SLIT2: variants seen among roughly 807,000 people sequenced by gnomAD.
The protein encoded by SLIT2 is slit guidance ligand 2, also known as slit homolog 2 protein.
A neutral mutation model predicts 185.7 loss-of-function variants in SLIT2; 41 were observed. The observed-to-expected ratio is 0.22, with a 90% confidence interval of 0.17 to 0.29. SLIT2 has a LOEUF of 0.29. Among genes scored for constraint, SLIT2 ranks in the 10% least tolerant of loss-of-function variants. The pLI is 1.00. For synonymous variants in SLIT2, 693 were observed against 680.2 expected (o/e 1.02, Z -0.29); for missense variants, 1,571 against 1,909.0 (o/e 0.82, Z 3.30).
chr4:20,328,647 AT>A (rs1719799416), intron 4 of SLIT2, among the ~76,000 whole-genome samples: 1 of 152,088 alleles, frequency 6.6e-6, no homozygotes. Flanking sequence ...CAAGAAAAAT[AT>A]TTTTAAAACG....
intron 8 of SLIT2, 132 bp from the exon 9 acceptor site, chr4:20,491,629 G>A: frequency 1.5e-6 from 1 of 687,324 alleles, no homozygotes; most frequent in Non-Finnish European, 2.4e-6. Flanking sequence ...TAGAAATATA[G>A]GACCATTTTA....
chr4:20,345,738 G>T (rs769271378), intron 4 of SLIT2, among the ~76,000 whole-genome samples: 7 of 151,650 alleles, frequency 4.6e-5, no homozygotes, highest in Non-Finnish European at 1.0e-4. Context: ...GATTCACCAT[G>T]TTGGCCAGAA....
At chr4:20,465,237 T>A (rs1714205360) in intron 4 of SLIT2, among the ~76,000 whole-genome samples, 1 of 152,194 alleles carries the variant, frequency 6.6e-6, no homozygotes, top group Non-Finnish European at 1.5e-5. Flanking sequence ...ATTTTAACAA[T>A]TTGTCTCATT....
intron 15 of SLIT2, among the ~76,000 whole-genome samples, chr4:20,527,580 C>T (rs1004519388): frequency 4.6e-5 from 7 of 152,096 alleles, no homozygotes; most frequent in Non-Finnish European, 7.4e-5. Context: ...CCACCACACC[C>T]GGCCTTGAGA....
At chr4:20,279,590 C>T (rs908615773) in intron 4 of SLIT2, among the ~76,000 whole-genome samples, 2 of 152,134 alleles carry the variant, frequency 1.3e-5, no homozygotes, top group Admixed American at 6.5e-5. Flanking sequence ...AATGTGTCAT[C>T]TTGGGAATAT....
At chr4:20,481,500 G>A (rs1160026672) in intron 6 of SLIT2, among the ~76,000 whole-genome samples, 1 of 152,052 alleles carries the variant, frequency 6.6e-6, no homozygotes, top group Non-Finnish European at 1.5e-5. Context: ...AATTTTTTCA[G>A]CCAAAATTCA....
intron 4 of SLIT2, among the ~76,000 whole-genome samples, chr4:20,459,542 C>A (rs985192137): frequency 6.6e-6 from 1 of 152,074 alleles, no homozygotes; most frequent in Non-Finnish European, 1.5e-5. Context: ...TGTATATCAC[C>A]TGAAAGGAGA....
At chr4:20,352,474 T>C (rs1721964187) in intron 4 of SLIT2, among the ~76,000 whole-genome samples, 1 of 152,206 alleles carries the variant, frequency 6.6e-6, no homozygotes, top group Non-Finnish European at 1.5e-5. Flanking sequence ...TCACTAAGGC[T>C]AGATTTATTA....
At chr4:20,269,330 T>G (rs1383560929) in intron 4 of SLIT2, among the ~76,000 whole-genome samples, 2 of 151,850 alleles carry the variant, frequency 1.3e-5, no homozygotes, top group African/African-American at 4.8e-5. Flanking sequence ...TATAAGGTAT[T>G]TAAAGAGGGC....
At chr4:20,282,636 G>A (rs1714885722) in intron 4 of SLIT2, among the ~76,000 whole-genome samples, 1 of 152,344 alleles carries the variant, frequency 6.6e-6, no homozygotes, top group South Asian at 2.1e-4. Context: ...CATATCACCT[G>A]TGGTGGCTAC....
intron 33 of SLIT2, among the ~76,000 whole-genome samples, chr4:20,604,167 T>C (rs1728613444): frequency 6.6e-6 from 1 of 152,224 alleles, no homozygotes; most frequent in Non-Finnish European, 1.5e-5. Flanking sequence ...TACTGAAGAA[T>C]AAATACCCAA....
chr4:20,283,793 C>A (rs1480123445), intron 4 of SLIT2, among the ~76,000 whole-genome samples: 2 of 152,028 alleles, frequency 1.3e-5, no homozygotes, highest in African/African-American at 4.8e-5. Context: ...AAATTATACC[C>A]AATATTTGCA....
chr4:20,539,371 G>A (rs1032881052), intron 18 of SLIT2, 70 bp from the exon 19 acceptor site: 31 of 1,404,108 alleles, frequency 2.2e-5, no homozygotes, highest in African/African-American at 3.0e-5. Flanking sequence ...GGATCATTTC[G>A]ATCCTCAGAT....
chr4:20,400,433 G>A (rs2109396032), intron 4 of SLIT2, among the ~76,000 whole-genome samples: 1 of 151,802 alleles, frequency 6.6e-6, no homozygotes, highest in Admixed American at 6.6e-5. Flanking sequence ...AAAGAGATGA[G>A]TATACTATGT....
chr4:20,618,097 C>G (rs1729822688), intron 36 of SLIT2, among the ~76,000 whole-genome samples: 1 of 152,170 alleles, frequency 6.6e-6, no homozygotes, highest in Admixed American at 6.5e-5. Flanking sequence ...GACCTTTGGC[C>G]TTAGAATCGA....
At position 20,513,036 on chromosome 4, in the gene SLIT2, A is replaced by G. The variant is rs1719894795; in HGVS notation, c.1058+1899A>G. Among the ~76,000 whole-genome samples the G allele has an allele frequency of 2.6e-5, 4 of 152,232 alleles. No individual in the cohort carries two copies. In the South Asian group the frequency reaches 8.3e-4, roughly 32 times the overall value. The stretch of plus-strand genomic sequence containing the variant: ...TGATTATAAATTATGTAATCTAATA[A>G]ACAATAAAATAGTGTGTTGTCACTC... On this transcript the variant is annotated intron_variant, in intron 11 of 36. Transcript: ENST00000504154.
chr4:20,253,684 G>T lies in SLIT2; in HGVS notation c.-132G>T. ...CTACTGCCTTGTTCCATATTATTTG[G>T]TGCACATTTTCCCTGGCACTCTGGG... On this transcript the variant is annotated 5_prime_UTR_variant, in exon 1 of 37. Transcript: ENST00000504154. The T allele has an allele frequency of 9.5e-7, 1 of 1,047,270 alleles. No homozygotes were observed. The highest frequency in any genetic ancestry group is 1.5e-5 in the South Asian group (1 of 67,866). The allele number at this position is 1,047,270 out of a possible 1,614,324, so 64.9% of individuals were successfully genotyped here. A position where few individuals can be genotyped will look rare whatever the true frequency, so the allele number is the denominator to read the frequency against.
At chr4:20,540,061 C>T (rs1722667141) in intron 19 of SLIT2, among the ~76,000 whole-genome samples, 1 of 33,262 alleles carries the variant, frequency 3.0e-5, no homozygotes, top group Admixed American at 2.4e-4. Context: ...GGGCGGATTA[C>T]TTGATCAAGG....
At chr4:20,318,410 G>A (rs746793940) in intron 4 of SLIT2, among the ~76,000 whole-genome samples, 1 of 152,156 alleles carries the variant, frequency 6.6e-6, no homozygotes, top group African/African-American at 2.4e-5. Flanking sequence ...AATACCAAAA[G>A]TAGAATAGGT....
Sources: allele counts gnomAD v4.1 joint callset (sites outside exome capture counted in the v4.1 genomes callset), GRCh38; gene constraint gnomAD v4.1.1; transcripts MANE v1.5; gene names NCBI Gene and HGNC (gene_info 2026-07-23, HGNC 2026-07-21).